Variants in AKR1E2 observed in about 807,000 individuals in gnomAD.
AKR1E2 encodes aldo-keto reductase family 1 member E2.
In AKR1E2, 43 loss-of-function variants were observed where a neutral mutation model predicts 41.9. The ratio of observed to expected loss-of-function variants is 1.03; its 90% CI spans 0.80 to 1.32. The LOEUF (loss-of-function observed/expected upper bound fraction) is 1.32, where lower values mean the gene tolerates loss of function less well. AKR1E2 is among the 40% of genes most tolerant of loss of function. The pLI is 0.00. For synonymous variants in AKR1E2, 121 were observed against 138.9 expected (o/e 0.87, Z 0.91); for missense variants, 423 against 396.5 (o/e 1.07, Z -0.57).
In AKR1E2 at chr10:4,835,780, A is replaced by G. The variant is rs1478695522; in HGVS notation, c.430A>G (p.Ser144Gly). ...PLDESNMVIP[S>G]DTDFLDTWEA... ...GGACGAGAGCAACATGGTTATTCCC[A>G]GTGACACGGACTTCCTGGACACGTG... Residue 144 changes from serine to glycine, a missense_variant, in exon 4 of 10, where the codon AGT becomes GGT. Coordinates refer to ENST00000298375, the MANE Select transcript of AKR1E2 (RefSeq NM_001040177.3). 9 of 1,614,108 alleles carry G rather than the reference A, an allele frequency of 5.6e-6. No homozygotes were observed. The highest frequency in any genetic ancestry group is 7.6e-6 in the Non-Finnish European group (9 of 1,180,004).
the AKR1E2 span, among the ~76,000 whole-genome samples, chr10:4,860,370 G>C: frequency 6.6e-6 from 1 of 152,220 alleles, no homozygotes; most frequent in African/African-American, 2.4e-5. Context: ...CTGCTTCTTC[G>C]TTTTTATAGA....
chr10:4,853,167 G>T, the AKR1E2 span, among the ~76,000 whole-genome samples: 1 of 152,084 alleles, frequency 6.6e-6, no homozygotes, highest in Non-Finnish European at 1.5e-5. Context: ...TATTCCCCAA[G>T]GCAAAAGAAA....
chr10:4,870,355 G>T, the AKR1E2 span, among the ~76,000 whole-genome samples: 1,073 of 151,928 alleles, frequency 7.1e-3, 19 homozygotes, highest in African/African-American at 0.025. Context: ...AATCTACTGC[G>T]TTTACCCATA....
At chr10:4,861,282 ACT>A in the AKR1E2 span, among the ~76,000 whole-genome samples, 3 of 152,184 alleles carry the variant, frequency 2.0e-5, no homozygotes, top group Non-Finnish European at 4.4e-5. Context: ...AATTAAAAAA[ACT>A]CTAAAAACTA....
At chr10:4,836,986 G>A (rs1833478012) in intron 4 of AKR1E2, among the ~76,000 whole-genome samples, 2 of 152,310 alleles carry the variant, frequency 1.3e-5, no homozygotes, top group Admixed American at 1.3e-4. Context: ...AGTAAGTGGA[G>A]AAGGTGGGAT....
chr10:4,841,210 A>G (rs1260417919), intron 6 of AKR1E2, among the ~76,000 whole-genome samples: 1 of 152,160 alleles, frequency 6.6e-6, no homozygotes, highest in Non-Finnish European at 1.5e-5. Flanking sequence ...ACAATGCCTG[A>G]AACAGGGTGA....
chr10:4,842,771 T>A lies in AKR1E2; in HGVS notation c.837+267T>A, dbSNP rs2961593. Among the ~76,000 whole-genome samples, 36,468 of 151,988 alleles carry A rather than the reference T, an allele frequency of 0.24. 4,623 individuals carry two copies. The highest frequency in any genetic ancestry group is 0.37 in the Middle Eastern group (109 of 294). On this transcript the variant is annotated intron_variant, in intron 8 of 9. Coordinates refer to ENST00000298375, the MANE Select transcript of AKR1E2 (RefSeq NM_001040177.3). ...AGGAGGGAAGAGCATCTTGTTGGGA[T>A]GATTTGTGTGGGCCAGGCTGGAGCA...
At chr10:4,864,725 A>C in the AKR1E2 span, among the ~76,000 whole-genome samples, 1 of 152,168 alleles carries the variant, frequency 6.6e-6, no homozygotes, top group Non-Finnish European at 1.5e-5. Flanking sequence ...GTCTCAGCCC[A>C]AAATCTCCTT....
chr10:4,863,040 A>G, the AKR1E2 span, among the ~76,000 whole-genome samples: 40 of 152,174 alleles, frequency 2.6e-4, no homozygotes, highest in African/African-American at 9.4e-4. Flanking sequence ...TGTCAACATT[A>G]GACAGATCAA....
chr10:4,828,200 G>A (rs754014929), intron 1 of AKR1E2, among the ~76,000 whole-genome samples: 1 of 152,176 alleles, frequency 6.6e-6, no homozygotes, highest in Admixed American at 6.5e-5. Flanking sequence ...CAGCTCTGTG[G>A]ACCTTGGCTG....
chr10:4,835,501 C>T (rs1282480595), intron 3 of AKR1E2, among the ~76,000 whole-genome samples, 174 bp from the exon 4 acceptor site: 3 of 152,192 alleles, frequency 2.0e-5, no homozygotes, highest in Non-Finnish European at 4.4e-5. Context: ...GCCAGCCATC[C>T]AGTCCACCAG....
At chr10:4,831,426 C>T (rs1046196605) in intron 2 of AKR1E2, among the ~76,000 whole-genome samples, 1 of 152,096 alleles carries the variant, frequency 6.6e-6, no homozygotes, top group Non-Finnish European at 1.5e-5. Context: ...CTGGGGAGGC[C>T]TCACAATCAT....
chr10:4,845,831 G>A (rs1337915113), intron 8 of AKR1E2: 2 of 471,010 alleles, frequency 4.2e-6, no homozygotes, highest in South Asian at 3.1e-5. Context: ...ACAGGACCAG[G>A]CTGACGTGAG....
rs1423612870 is a variant in AKR1E2, at chr10:4,840,738, A to T, written c.680+912A>T. The stretch of plus-strand genomic sequence containing the variant: ...CTTTACCCACAAATCTTTTTTTTTT[A>T]AATCTGGCAAACTCCAGTTTCTAAT... On this transcript the variant is annotated intron_variant, in intron 6 of 9. Transcript: ENST00000298375. Among the ~76,000 whole-genome samples, 7 of 151,314 alleles carry T rather than the reference A, an allele frequency of 4.6e-5. No individual in the cohort carries two copies. In the South Asian group the frequency reaches 1.0e-3, roughly 23 times the overall value.
chr10:4,870,337 G>A, the AKR1E2 span, among the ~76,000 whole-genome samples: 6 of 151,936 alleles, frequency 3.9e-5, no homozygotes, highest in Admixed American at 3.9e-4. Flanking sequence ...ACTCAAGAGG[G>A]CAAGAACAAT....
At chr10:4,864,960 A>C in the AKR1E2 span, among the ~76,000 whole-genome samples, 3 of 152,208 alleles carry the variant, frequency 2.0e-5, no homozygotes, top group Admixed American at 1.3e-4. Context: ...ATATTCCTAC[A>C]TATCTATGTA....
At chr10:4,828,261 G>T (rs1289587600) in intron 1 of AKR1E2, among the ~76,000 whole-genome samples, 2 of 152,158 alleles carry the variant, frequency 1.3e-5, no homozygotes, top group African/African-American at 4.8e-5. Context: ...CACATCTCCT[G>T]TCCTCGTGCG....
chr10:4,854,098 T>TG, the AKR1E2 span, among the ~76,000 whole-genome samples: 6 of 112,224 alleles, frequency 5.3e-5, no homozygotes, highest in South Asian at 6.8e-4. Flanking sequence ...TTTTTTTTTT[T>TG]TTTTTTTTTT....
chr10:4,867,582 T>TA, the AKR1E2 span, among the ~76,000 whole-genome samples: 10 of 152,372 alleles, frequency 6.6e-5, no homozygotes, highest in African/African-American at 2.4e-4. Context: ...TCACCACAAT[T>TA]ACCTTGCCAT....
Sources: allele counts gnomAD v4.1 joint callset (sites outside exome capture counted in the v4.1 genomes callset), GRCh38; gene constraint gnomAD v4.1.1; transcripts MANE v1.5; gene names NCBI Gene and HGNC (gene_info 2026-07-23, HGNC 2026-07-21).